The following TLN2 variants were observed in gnomAD, a reference collection of about 807,000 sequenced individuals.
The protein encoded by TLN2 is talin 2, also known as talin-2.
A neutral mutation model predicts 294.7 loss-of-function variants in TLN2; 118 were observed. That is an observed-to-expected ratio of 0.40 (90% CI 0.34 to 0.47). The LOEUF (loss-of-function observed/expected upper bound fraction) is 0.47, where lower values mean the gene tolerates loss of function less well. Ranked by LOEUF, TLN2 falls within the 20% of genes least tolerant of loss-of-function variation. The pLI is 0.84. For synonymous variants in TLN2, 1,431 were observed against 1,304.5 expected, an observed-to-expected ratio of 1.10 and a Z score of -2.09; for missense variants, 3,083 against 3,282.2, an observed-to-expected ratio of 0.94 and a Z score of 1.48.
intron 1 of TLN2, among the ~76,000 whole-genome samples, chr15:62,397,949 A>G (rs182704252): frequency 3.1e-4 from 47 of 152,158 alleles, no homozygotes; most frequent in Non-Finnish European, 5.6e-4. Flanking sequence ...TGATTTTTGT[A>G]ATCTTGATAG....
intron 3 of TLN2, among the ~76,000 whole-genome samples, chr15:62,635,681 C>G (rs1028155200): frequency 1.3e-5 from 2 of 152,108 alleles, no homozygotes; most frequent in Non-Finnish European, 2.9e-5. Flanking sequence ...AAGACATAAT[C>G]TCTATTAAGC....
rs1168164665 is a variant in TLN2 at position 62,844,302 on chromosome 15, G to A, written c.*3692G>A. 1 of 152,016 alleles carries A rather than the reference G, an allele frequency of 6.6e-6. No individual in the cohort carries two copies. Among genetic ancestry groups the A allele is most frequent in the African/African-American group, 2.4e-5 (1 of 41,388 alleles). The allele number at this position is 152,016 out of a possible 1,614,324, so 9.4% of individuals were successfully genotyped here. A position where few individuals can be genotyped will look rare whatever the true frequency, so the allele number is the denominator to read the frequency against. On this transcript the variant is annotated 3_prime_UTR_variant, in exon 59 of 59. Transcript: ENST00000636159. ...GTTTATGGTCACTACGGATGAGTGT[G>A]TGCAGAGTTTGGGTTGATTCTTTTA...
Position 62,763,563 on chromosome 15 carries a change from G to C in TLN2, c.4962G>C (p.Arg1654Ser). The C allele has an allele frequency of 6.2e-7, 1 of 1,604,524 alleles. No homozygotes were observed. Among genetic ancestry groups the C allele is most frequent in the Non-Finnish European group, 8.5e-7 (1 of 1,173,028 alleles). ...DSIKSLITSIRDKAPGQRECD... is the reference protein window; with the variant it reads ...DSIKSLITSISDKAPGQRECD... ...GTCCAACTTGCACTATTCCTTCCAG[G>C]GACAAGGCCCCTGGACAGAGGGAGT... The change falls in exon 40 of 59, where the codon AGG becomes AGC. Residue 1654 changes from arginine (R) to serine (S), a missense_variant and splice_region_variant. Transcript: ENST00000636159.
chr15:62,533,274 A>AG (rs1392037759), intron 1 of TLN2, among the ~76,000 whole-genome samples: 1 of 151,156 alleles, frequency 6.6e-6, no homozygotes, highest in African/African-American at 2.4e-5. Context: ...AAAAAAAAAA[A>AG]AAAGTGGATT....
At chr15:62,772,307 TA>T (rs2063395085) in intron 42 of TLN2, among the ~76,000 whole-genome samples, 1 of 152,140 alleles carries the variant, frequency 6.6e-6, no homozygotes, top group Non-Finnish European at 1.5e-5. Context: ...ACTTGGCAGT[TA>T]TTAAGAGCCT....
At chr15:62,450,956 A>G (rs368364447) in intron 1 of TLN2, among the ~76,000 whole-genome samples, 1 of 147,228 alleles carries the variant, frequency 6.8e-6, no homozygotes, top group African/African-American at 2.5e-5. Flanking sequence ...CTGCCTTTAC[A>G]GTTGCCTGGA....
rs568481657 is a variant in TLN2 at position 62,517,874 on chromosome 15, C to T, written c.-237-71813C>T. 2.6e-5 allele frequency among the ~76,000 whole-genome samples: 4 copies of T among 152,300 alleles called. No individual in the cohort carries two copies. In the East Asian group the frequency reaches 7.7e-4, roughly 29 times the overall value. On this transcript the variant is annotated intron_variant, in intron 1 of 58. Coordinates refer to ENST00000636159, the MANE Select transcript of TLN2 (RefSeq NM_015059.3). ...AGCCATGTCCCAGCTCTGCCACTTA[C>T]TTAAATATCCCTGGACATATTACTT...
chr15:62,822,623 C>T (rs2067669583), intron 54 of TLN2, among the ~76,000 whole-genome samples: 1 of 152,208 alleles, frequency 6.6e-6, no homozygotes, highest in African/African-American at 2.4e-5. Context: ...CTGTTTCCCA[C>T]CCCATTGTCA....
rs1024746753 is a variant in TLN2 at position 62,732,347 on chromosome 15, G to A, written c.3359-4531G>A. On this transcript the variant is annotated intron_variant, in intron 28 of 58. Coordinates refer to ENST00000636159, the MANE Select transcript of TLN2 (RefSeq NM_015059.3). ...GCCCCATTTAATTTTGGCAGGCACT[G>A]GAAGGCAGTTGCATAAGTGAGCACT... 2.0e-5 allele frequency among the ~76,000 whole-genome samples: 3 copies of A among 152,186 alleles called. No homozygotes were observed. In the South Asian group the frequency reaches 6.2e-4, roughly 32 times the overall value.
In TLN2 at chr15:62,390,630, C is replaced by A. The variant is rs1361975246; in HGVS notation, c.-293C>A. ...AGTGGTCGCCCAGCGCGCGGGGGGA[C>A]GCGGGCTGCACTCCCGGGCAGGCGC... is the stretch of plus-strand genomic sequence containing the variant. On this transcript the variant is annotated 5_prime_UTR_variant, in exon 1 of 59. Transcript: ENST00000636159. 1.3e-5 allele frequency: 2 copies of A among 152,098 alleles called. No homozygotes were observed. Among genetic ancestry groups the A allele is most frequent in the Non-Finnish European group, 2.9e-5 (2 of 68,028 alleles). The allele number at this position is 152,098 out of a possible 1,614,324, so 9.4% of individuals were successfully genotyped here.
chr15:62,582,052 A>AG (rs1555435451), intron 1 of TLN2, among the ~76,000 whole-genome samples: 4 of 151,812 alleles, frequency 2.6e-5, no homozygotes, highest in African/African-American at 9.7e-5. Context: ...CTAGAAAAAA[A>AG]AAAAAGAAAA....
intron 1 of TLN2, among the ~76,000 whole-genome samples, chr15:62,464,900 A>G (rs1345284484): frequency 1.3e-5 from 2 of 152,092 alleles, no homozygotes; most frequent in Non-Finnish European, 2.9e-5. Flanking sequence ...CAGCATCTTG[A>G]TGATGATTTC....
At chr15:62,497,850 A>G (rs1170099052) in intron 1 of TLN2, among the ~76,000 whole-genome samples, 1 of 152,044 alleles carries the variant, frequency 6.6e-6, no homozygotes, top group Non-Finnish European at 1.5e-5. Context: ...TTTATGTTAT[A>G]TAGCATTCTG....
chr15:62,607,610 G>T (rs2047561025), intron 2 of TLN2, among the ~76,000 whole-genome samples: 2 of 152,128 alleles, frequency 1.3e-5, no homozygotes, highest in Non-Finnish European at 1.5e-5. Flanking sequence ...CTTTCAAACT[G>T]TCATGTACCA....
chr15:62,815,464 T>C (rs1029168978), intron 52 of TLN2, among the ~76,000 whole-genome samples: 5 of 152,180 alleles, frequency 3.3e-5, no homozygotes, highest in African/African-American at 1.2e-4. Context: ...TTGTTCATTT[T>C]TTACAAAAAG....
intron 52 of TLN2, among the ~76,000 whole-genome samples, chr15:62,813,313 A>G (rs185546252): frequency 1.3e-4 from 20 of 152,310 alleles, no homozygotes; most frequent in Non-Finnish European, 2.4e-4. Flanking sequence ...CTCATTGTAT[A>G]CAATTATTGT....
rs200838959 is a variant in TLN2 at position 62,825,836 on chromosome 15, AAT to A, written c.7002+5234_7002+5235del. Among the ~76,000 whole-genome samples, 7 of 77,052 alleles carry A rather than the reference AAT, an allele frequency of 9.1e-5. 2 individuals are homozygous for A. Among genetic ancestry groups the A allele is most frequent in the Admixed American group, 8.3e-4 (4 of 4,794 alleles). 50.5% of individuals were successfully genotyped at this position (77,052 alleles called of 152,430 possible). ...TATTATAATATATATTATAATATATAATATATATAAATATATTATATATATAT... is the reference window on the plus strand; with the variant it reads ...TATTATAATATATATTATAATATATAATATATAAATATATTATATATATAT... On this transcript the variant is annotated intron_variant, in intron 54 of 58. Coordinates refer to ENST00000636159, the MANE Select transcript of TLN2 (RefSeq NM_015059.3).
Position 62,752,349 on chromosome 15 carries a change from C to A in TLN2, c.4254C>A (p.Thr1418=), listed in dbSNP as rs767816689. ...SMAGISQNAK[T]GDLPAFGECV... ...CAGGGATTTCACAGAATGCCAAGAC[C>A]GGAGACCTCCCTGCCTTTGGGGAAT... Residue 1418 remains threonine (T), a synonymous_variant, in exon 35 of 59, where the codon ACC becomes ACA. Transcript: ENST00000636159. 3 of 1,614,034 alleles carry A rather than the reference C, an allele frequency of 1.9e-6. No individual in the cohort carries two copies. The South Asian group carries it at 3.3e-5, about 18-fold the overall frequency.
chr15:62,651,174 TCACCTCCC>T (rs1401991148), intron 5 of TLN2, among the ~76,000 whole-genome samples: 33 of 152,354 alleles, frequency 2.2e-4, no homozygotes, highest in Middle Eastern at 3.4e-3. Context: ...AGGCAAGTAG[TCACCTCCC>T]TCTGCTAATT....
Sources: allele counts gnomAD v4.1 joint callset (sites outside exome capture counted in the v4.1 genomes callset), GRCh38; gene constraint gnomAD v4.1.1; transcripts MANE v1.5; gene names NCBI Gene and HGNC (gene_info 2026-07-23, HGNC 2026-07-21).